The following CLSPN variants were observed in gnomAD, a reference collection of about 807,000 sequenced individuals.
The protein encoded by CLSPN is claspin homolog.
CLSPN carries 85 observed loss-of-function variants against 156.3 expected under a neutral mutation model. That is an observed-to-expected ratio of 0.54 (90% CI 0.46 to 0.65). The LOEUF is 0.65. CLSPN is among the 30% of genes least tolerant of loss of function. The probability of loss-of-function intolerance (pLI) is 0.00; values close to 1 mark genes in which losing one functional copy is unlikely to be tolerated. For missense variants in CLSPN, 1,407 were observed against 1,554.9 expected (o/e 0.90, Z 1.60); for synonymous variants, 534 against 542.4 (o/e 0.98, Z 0.22).
chr1:35,756,533 GTCCATCACCTCTCATCC>G (rs1461986646), intron 8 of CLSPN, among the ~76,000 whole-genome samples: 2 of 151,994 alleles, frequency 1.3e-5, no homozygotes, highest in African/African-American at 2.4e-5. Context: ...ATCTCTATTA[GTCCATCACCTCTCATCC>G]TCCATCACCT....
chr1:35,724,908 G>A (rs1400574733), intron 24 of CLSPN, among the ~76,000 whole-genome samples: 2 of 152,178 alleles, frequency 1.3e-5, no homozygotes, highest in Admixed American at 6.5e-5. Context: ...AGTCTATCAA[G>A]AAATTACTAT....
Position 35,753,956 on chromosome 1 carries a change from AGT to A in CLSPN, c.1580-22_1580-21del, listed in dbSNP as rs147363636. The stretch of plus-strand genomic sequence containing the variant: ...CCAGTTCTAAACCCAAACGCCAACC[AGT>A]GTGTCAGTTTGCCATGCTCAAAACT... On this transcript the variant is annotated intron_variant, in intron 8 of 24. Coordinates refer to ENST00000318121, the MANE Select transcript of CLSPN (RefSeq NM_022111.4). 2.6e-3 allele frequency: 4,207 copies of A among 1,610,976 alleles called. 105 individuals carry two copies. The African/African-American group carries it at 0.048, about 19-fold the overall frequency.
chr1:35,765,113 G>C lies in CLSPN; in HGVS notation c.133+105C>G, dbSNP rs2148627846. The C allele has an allele frequency of 9.8e-5, 69 of 701,144 alleles. No individual in the cohort carries two copies. The South Asian group carries it at 1.2e-3, about 12-fold the overall frequency. 43.4% of individuals were successfully genotyped at this position (701,144 alleles called of 1,614,324 possible). ...ATAATAAAACAAACAATAAGGATGG[G>C]GCATTAATAATGTAATAAATCAAGA... On this transcript the variant is annotated intron_variant, in intron 2 of 24. Transcript: ENST00000318121.
rs1642594132 is a variant in CLSPN at position 35,764,376 on chromosome 1, T to C, written c.472A>G (p.Lys158Glu). ...RKSSKKHIHD[K>E]EGTAGKAKVK... ...TTTGCTTTTCCTGCAGTTCCTTCTT[T>C]ATCATGTATGTGCTTTTTGGAACTC... is the stretch of plus-strand genomic sequence containing the variant. The change falls in exon 3 of 25, where the codon AAA becomes GAA. Residue 158 changes from lysine (K) to glutamate (E), a missense_variant. Lys to Glu is a moderately conservative substitution (Grantham distance 56, BLOSUM62 1). Transcript: ENST00000318121. 6.2e-7 allele frequency: 1 copy of C among 1,612,584 alleles called. No homozygotes were observed. Among genetic ancestry groups the C allele is most frequent in the East Asian group, 2.2e-5 (1 of 44,872 alleles).
chr1:35,765,212 A>G lies in CLSPN; in HGVS notation c.133+6T>C, dbSNP rs1469290447. 6 of 1,586,542 alleles carry G rather than the reference A, an allele frequency of 3.8e-6. No homozygotes were observed. The highest frequency in any genetic ancestry group is 5.2e-6 in the Non-Finnish European group (6 of 1,155,888). On this transcript the variant is annotated splice_donor_region_variant and intron_variant, in intron 2 of 24. Transcript: ENST00000318121. ...TATTCCTAAAAATAAAAGTACTATT[A>G]CAAACCTCCTTCACTCAAGGGTCCA...
In CLSPN at chr1:35,751,765, C is replaced by T. The variant is rs112906154; in HGVS notation, c.1772-259G>A. Among the ~76,000 whole-genome samples, 13 of 149,276 alleles carry T rather than the reference C, an allele frequency of 8.7e-5. 2 individuals carry two copies. Among genetic ancestry groups the T allele is most frequent in the African/African-American group, 2.9e-4 (12 of 40,924 alleles). ...GAGAAAAGGTGGGTAGGGAGTAGAG[C>T]TTCAAGTCTGTGGCTCAAAAGCCAT... On this transcript the variant is annotated intron_variant, in intron 9 of 24. Coordinates refer to ENST00000318121, the MANE Select transcript of CLSPN (RefSeq NM_022111.4).
intron 24 of CLSPN, among the ~76,000 whole-genome samples, chr1:35,725,813 G>A (rs1472664111): frequency 2.0e-5 from 3 of 152,186 alleles, no homozygotes; most frequent in East Asian, 1.9e-4. Context: ...GGAGGAGCTC[G>A]GCAGCTGCAT....
chr1:35,741,049 T>C (rs1641672294), intron 18 of CLSPN, among the ~76,000 whole-genome samples: 1 of 152,182 alleles, frequency 6.6e-6, no homozygotes, highest in Admixed American at 6.5e-5. Context: ...TGATGTCCTA[T>C]ATGTGAATTC....
chr1:35,735,996 T>A lies in CLSPN; in HGVS notation c.*500A>T, dbSNP rs553530855. Reference sequence around the variant, plus strand: ...ACTTTGTGGGGCCGAGGTGGATGGATCATTTGAGGTCAGGAGTTCAAGACC... The same window carrying A: ...ACTTTGTGGGGCCGAGGTGGATGGAACATTTGAGGTCAGGAGTTCAAGACC... On this transcript the variant is annotated 3_prime_UTR_variant, in exon 25 of 25. Coordinates refer to ENST00000318121, the MANE Select transcript of CLSPN (RefSeq NM_022111.4). 30 of 921,394 alleles carry A rather than the reference T, an allele frequency of 3.3e-5. No individual in the cohort carries two copies. In the South Asian group the frequency reaches 1.3e-3, roughly 39 times the overall value. The allele number at this position is 921,394 out of a possible 1,614,324, so 57.1% of individuals were successfully genotyped here. A position where few individuals can be genotyped will look rare whatever the true frequency, so the allele number is the denominator to read the frequency against.
chr1:35,721,848 C>T (rs889882391), intron 24 of CLSPN, among the ~76,000 whole-genome samples: 1 of 151,974 alleles, frequency 6.6e-6, no homozygotes, highest in African/African-American at 2.4e-5. Context: ...TGATTTAAAG[C>T]CTATATTGGG....
At position 35,760,093 on chromosome 1, in the gene CLSPN, A is replaced by G. The variant is rs564336007; in HGVS notation, c.1579+249T>C. ...GTGATCTGCCCGCCTTGGCCTCCCA[A>G]AGTGCTGGGATTACAGGCGTAAGCC... On this transcript the variant is annotated intron_variant, in intron 8 of 24. Transcript: ENST00000318121. 6.4e-4 allele frequency among the ~76,000 whole-genome samples: 97 copies of G among 152,298 alleles called. No homozygotes were observed. The South Asian group carries it at 0.019, about 30-fold the overall frequency.
chr1:35,765,351 A>G, intron 1 of CLSPN, 25 bp from the exon 2 acceptor site: 3 of 1,521,816 alleles, frequency 2.0e-6, no homozygotes, highest in East Asian at 2.3e-5. Context: ...TATACTTTAT[A>G]TCAACCAGCA....
At chr1:35,758,577 G>A (rs551181848) in intron 8 of CLSPN, among the ~76,000 whole-genome samples, 5 of 152,038 alleles carry the variant, frequency 3.3e-5, no homozygotes, top group Admixed American at 1.3e-4. Flanking sequence ...CCCAGGAGGC[G>A]GAGGTTGCAG....
intron 9 of CLSPN, among the ~76,000 whole-genome samples, 196 bp downstream of exon 9, chr1:35,753,549 T>C (rs1199065793): frequency 6.7e-6 from 1 of 149,326 alleles, no homozygotes; most frequent in African/African-American, 2.5e-5. Flanking sequence ...AAATGATATC[T>C]AAAAAAAAAA....
rs1379444743 is a variant in CLSPN at position 35,734,152 on chromosome 1, G to A, written c.*2344C>T. ...GCAGCAGCTTCTCAGTTTAGACCCA[G>A]AGGGTTTCCCTGGGATGGAGATAAC... On this transcript the variant is annotated 3_prime_UTR_variant, in exon 25 of 25. Transcript: ENST00000318121. 1 of 985,292 alleles carries A rather than the reference G, an allele frequency of 1.0e-6. No homozygotes were observed. Among genetic ancestry groups the A allele is most frequent in the Non-Finnish European group, 1.2e-6 (1 of 829,940 alleles). 61.0% of individuals were successfully genotyped at this position (985,292 alleles called of 1,614,324 possible).
intron 13 of CLSPN, 122 bp from the exon 14 acceptor site, chr1:35,748,183 G>A (rs975454230): frequency 8.8e-7 from 1 of 1,135,118 alleles, no homozygotes; most frequent in Non-Finnish European, 1.3e-6. Flanking sequence ...GTAGTTGAGG[G>A]GGACAATACA....
At chr1:35,743,693 A>T in intron 16 of CLSPN, 163 bp from the exon 17 acceptor site, 5 of 600,088 alleles carry the variant, frequency 8.3e-6, no homozygotes, top group Admixed American at 2.8e-5. Context: ...GCACCATCTC[A>T]GCTCACTGTA....
Position 35,734,956 on chromosome 1 carries a change from G to T in CLSPN, c.*1540C>A. ...CTTGTGGTAGTTCAGGGAAAATGGA[G>T]AATGATGGCAATTCTCTTCAATAAT... On this transcript the variant is annotated 3_prime_UTR_variant, in exon 25 of 25. Transcript: ENST00000318121. 2 of 985,412 alleles carry T rather than the reference G, an allele frequency of 2.0e-6. No individual in the cohort carries two copies. The highest frequency in any genetic ancestry group is 2.4e-6 in the Non-Finnish European group (2 of 829,896). 61.0% of individuals were successfully genotyped at this position (985,412 alleles called of 1,614,324 possible).
At chr1:35,724,888 G>A (rs916437791) in intron 24 of CLSPN, among the ~76,000 whole-genome samples, 1 of 152,156 alleles carries the variant, frequency 6.6e-6, no homozygotes, top group African/African-American at 2.4e-5. Flanking sequence ...TAAAGGTAAA[G>A]TGCCTCTTTA....
Sources: allele counts gnomAD v4.1 joint callset (sites outside exome capture counted in the v4.1 genomes callset), GRCh38; gene constraint gnomAD v4.1.1; transcripts MANE v1.5; gene names NCBI Gene and HGNC (gene_info 2026-07-23, HGNC 2026-07-21).